The following RPS6KC1 variants were observed in gnomAD, a reference collection of about 807,000 sequenced individuals.
The protein encoded by RPS6KC1 is ribosomal protein S6 kinase C1, also known as inactive ribosomal protein S6 kinase delta-1.
RPS6KC1 carries 54 observed loss-of-function variants against 103.8 expected under a neutral mutation model. That is an observed-to-expected ratio of 0.52 (90% CI 0.42 to 0.65). The LOEUF (loss-of-function observed/expected upper bound fraction) is 0.65, where lower values mean the gene tolerates loss of function less well. Ranked by LOEUF, RPS6KC1 falls within the 30% of genes least tolerant of loss-of-function variation. The probability of loss-of-function intolerance (pLI) is 0.00; values close to 1 mark genes in which losing one functional copy is unlikely to be tolerated. For synonymous variants in RPS6KC1, 439 were observed against 438.7 expected (o/e 1.00, Z -0.01); for missense variants, 1,151 against 1,253.8 (o/e 0.92, Z 1.24).
At chr1:213,512,605 T>C in the RPS6KC1 span, among the ~76,000 whole-genome samples, 1 of 152,200 alleles carries the variant, frequency 6.6e-6, no homozygotes, top group African/African-American at 2.4e-5. Context: ...ACTTCAGTGC[T>C]GTGATTCCAT....
At chr1:213,627,489 C>T in the RPS6KC1 span, among the ~76,000 whole-genome samples, 5 of 152,032 alleles carry the variant, frequency 3.3e-5, no homozygotes, top group African/African-American at 1.2e-4. Flanking sequence ...GAGGGCATCC[C>T]TGTCTTGTGC....
chr1:213,728,734 G>C, the RPS6KC1 span, among the ~76,000 whole-genome samples: 3 of 152,050 alleles, frequency 2.0e-5, no homozygotes, highest in Non-Finnish European at 4.4e-5. Context: ...GGAGGAGGGG[G>C]GATGGCAATT....
the RPS6KC1 span, among the ~76,000 whole-genome samples, chr1:213,477,350 A>ATT: frequency 1.4e-5 from 2 of 144,096 alleles, no homozygotes; most frequent in East Asian, 2.0e-4. Flanking sequence ...TTATACCCTT[A>ATT]TTTTTTTTTT....
the RPS6KC1 span, among the ~76,000 whole-genome samples, chr1:213,419,071 G>A: frequency 3.2e-3 from 481 of 152,348 alleles, 1 homozygote; most frequent in Middle Eastern, 0.034. Flanking sequence ...CATCTGCCAC[G>A]TGTGACTCCC....
intron 3 of RPS6KC1, among the ~76,000 whole-genome samples, chr1:213,101,441 T>C (rs1437914675): frequency 6.6e-6 from 1 of 152,216 alleles, no homozygotes; most frequent in African/African-American, 2.4e-5. Context: ...CATATCTGCT[T>C]GTCAAAGTTT....
the RPS6KC1 span, among the ~76,000 whole-genome samples, chr1:213,679,485 AC>A: frequency 3.3e-3 from 502 of 152,350 alleles, no homozygotes; most frequent in Non-Finnish European, 5.5e-3. Context: ...CTTAGAGAAG[AC>A]AAGTAACTCA....
chr1:213,275,751 A>C (rs2095111274), downstream of RPS6KC1, among the ~76,000 whole-genome samples: 2 of 152,140 alleles, frequency 1.3e-5, no homozygotes, highest in South Asian at 4.1e-4. Context: ...TCTTTTAGCT[A>C]TTTTGTAATA....
At chr1:213,777,497 A>G in the RPS6KC1 span, among the ~76,000 whole-genome samples, 5 of 152,280 alleles carry the variant, frequency 3.3e-5, no homozygotes, top group Admixed American at 6.5e-5. Context: ...GGTTTGTGGC[A>G]CCCCAAAACA....
intron 6 of RPS6KC1, among the ~76,000 whole-genome samples, chr1:213,141,649 A>G (rs1480242182): frequency 1.3e-5 from 2 of 150,914 alleles, no homozygotes; most frequent in Non-Finnish European, 3.0e-5. Flanking sequence ...GATTTTGGTT[A>G]TTTCTTTTCT....
chr1:213,063,048 G>A (rs1442383781), intron 1 of RPS6KC1, among the ~76,000 whole-genome samples: 2 of 152,298 alleles, frequency 1.3e-5, no homozygotes, highest in Non-Finnish European at 2.9e-5. Context: ...CTGACTTTGG[G>A]TCTTTTCTTT....
chr1:213,241,467 C>T lies in RPS6KC1; in HGVS notation c.1991C>T (p.Ser664Leu). 1.2e-6 allele frequency: 2 copies of T among 1,613,996 alleles called. No homozygotes were observed. Among genetic ancestry groups the T allele is most frequent in the Non-Finnish European group, 1.7e-6 (2 of 1,179,942 alleles). Residue 664 changes from serine to leucine, a missense_variant, in exon 11 of 15, where the codon TCA becomes TTA. Physicochemically the swap from Ser to Leu is moderately radical, Grantham distance 145. Transcript: ENST00000366960. ...GCTCAGGACACCATTAGCAGGGGCT[C>T]AGATGACTCAGTGCCAGTTATTTCA... ...FKAQDTISRGSDDSVPVISFK... is the reference protein window; with the variant it reads ...FKAQDTISRGLDDSVPVISFK...
the RPS6KC1 span, among the ~76,000 whole-genome samples, chr1:213,730,564 G>T: frequency 6.6e-6 from 1 of 152,180 alleles, no homozygotes; most frequent in Non-Finnish European, 1.5e-5. Context: ...CTGCATGTAT[G>T]TCTTCTTTTG....
the RPS6KC1 span, among the ~76,000 whole-genome samples, chr1:213,537,357 G>A: frequency 2.1e-3 from 321 of 152,254 alleles, 1 homozygote; most frequent in African/African-American, 7.4e-3. Flanking sequence ...CCTGCAGCTG[G>A]TTTGCTTAAT....
At chr1:213,212,004 T>G (rs957394098) in intron 8 of RPS6KC1, among the ~76,000 whole-genome samples, 1 of 152,136 alleles carries the variant, frequency 6.6e-6, no homozygotes, top group Non-Finnish European at 1.5e-5. Context: ...ACCCCACCCT[T>G]GCATAGCCTC....
At chr1:213,738,160 T>C in the RPS6KC1 span, among the ~76,000 whole-genome samples, 6 of 152,118 alleles carry the variant, frequency 3.9e-5, no homozygotes, top group African/African-American at 1.2e-4. Flanking sequence ...CACACACACA[T>C]ATATATATTC....
the RPS6KC1 span, among the ~76,000 whole-genome samples, chr1:213,584,573 T>G: frequency 0.049 from 7,402 of 152,280 alleles, 226 homozygotes; most frequent in East Asian, 0.11. Flanking sequence ...CTTCCTGAAG[T>G]GACTTTGAAA....
the RPS6KC1 span, among the ~76,000 whole-genome samples, chr1:213,285,664 T>C: frequency 6.6e-6 from 1 of 152,306 alleles, no homozygotes; most frequent in Admixed American, 6.5e-5. Flanking sequence ...GGTGGTATTG[T>C]TATTTTGAGA....
At chr1:213,389,743 C>T in the RPS6KC1 span, among the ~76,000 whole-genome samples, 8 of 152,190 alleles carry the variant, frequency 5.3e-5, no homozygotes, top group African/African-American at 1.9e-4. Flanking sequence ...CCTCCTTTCC[C>T]TCTTTCCCGG....
At chr1:213,363,621 GCTTGCTTTCTTTCTTTCTTTCTTT>G in the RPS6KC1 span, among the ~76,000 whole-genome samples, 251 of 85,986 alleles carry the variant, frequency 2.9e-3, 14 homozygotes, top group South Asian at 0.017. Context: ...TTGCTTGCTT[GCTTGCTTTCTTTCTTTCTTTCTTT>G]CTTTCTTTCT....
Sources: allele counts gnomAD v4.1 joint callset (sites outside exome capture counted in the v4.1 genomes callset), GRCh38; gene constraint gnomAD v4.1.1; transcripts MANE v1.5; gene names NCBI Gene and HGNC (gene_info 2026-07-23, HGNC 2026-07-21).